DAB2IP: variants seen among roughly 807,000 people sequenced by gnomAD.
DAB2IP encodes disabled homolog 2-interacting protein.
A neutral mutation model predicts 107.2 loss-of-function variants in DAB2IP; 28 were observed. The ratio of observed to expected loss-of-function variants is 0.26; its 90% confidence interval spans 0.19 to 0.36. DAB2IP has a LOEUF of 0.36. DAB2IP is among the 10% of genes least tolerant of loss of function. The pLI, the probability that DAB2IP is intolerant of heterozygous loss-of-function variation, is 1.00. For synonymous variants in DAB2IP, 755 were observed against 706.4 expected, an observed-to-expected ratio of 1.07 and a Z score of -1.09; for missense variants, 1,400 against 1,644.7, an observed-to-expected ratio of 0.85 and a Z score of 2.57.
chr9:121,627,911 T>C (rs909111127), intron 1 of DAB2IP, among the ~76,000 whole-genome samples: 1 of 152,256 alleles, frequency 6.6e-6, no homozygotes, highest in African/African-American at 2.4e-5. Flanking sequence ...TGCGTAGAAC[T>C]TTCTGCAGTG....
intron 3 of DAB2IP, among the ~76,000 whole-genome samples, chr9:121,706,559 A>G (rs12004621): frequency 0.025 from 3,729 of 152,158 alleles, 160 homozygotes; most frequent in African/African-American, 0.085. Flanking sequence ...CTGTGTGACT[A>G]TGGGCAAGCC....
At chr9:121,658,479 G>A (rs549096249) in intron 1 of DAB2IP, among the ~76,000 whole-genome samples, 15 of 152,348 alleles carry the variant, frequency 9.8e-5, no homozygotes, top group Non-Finnish European at 2.1e-4. Context: ...GCCCGCTCTA[G>A]GAGTGGCGGG....
At position 121,641,892 on chromosome 9, in the gene DAB2IP, CCTTTCTTTCTTTCTTTCTTT is replaced by C. The variant is rs71370681; in HGVS notation, c.41-36759_41-36740del. 1.3e-4 allele frequency among the ~76,000 whole-genome samples: 12 copies of C among 89,344 alleles called. No homozygotes were observed. The South Asian group carries it at 2.8e-3, about 21-fold the overall frequency. The allele number at this position is 89,344 out of a possible 152,430, so 58.6% of individuals were successfully genotyped here. On this transcript the variant is annotated intron_variant, in intron 1 of 16. Coordinates refer to the DAB2IP transcript ENST00000259371. ...TTCTTTCTTTCTGTCCATTTCTTTC[CCTTTCTTTCTTTCTTTCTTT>C]CTTTCTTTCTTTCTTTCTTTCTTTC...
chr9:121,582,944 G>T (rs1053020654), intron 1 of DAB2IP, among the ~76,000 whole-genome samples: 2 of 152,258 alleles, frequency 1.3e-5, no homozygotes, highest in African/African-American at 4.8e-5. Context: ...CTGCCCTGCG[G>T]GCAGCCCTCA....
intron 2 of DAB2IP, among the ~76,000 whole-genome samples, chr9:121,683,410 A>G (rs1828696786): frequency 1.3e-5 from 2 of 151,374 alleles, no homozygotes; most frequent in South Asian, 4.2e-4. Flanking sequence ...CCTCCCATCA[A>G]CCTTGAGGAT....
intron 3 of DAB2IP, among the ~76,000 whole-genome samples, chr9:121,749,730 A>C (rs1832972162): frequency 6.6e-6 from 1 of 152,198 alleles, no homozygotes; most frequent in Admixed American, 6.5e-5. Context: ...CTTTTTAAAG[A>C]AATTTGAGGC....
At chr9:121,678,868 C>G (rs1439094767) in intron 2 of DAB2IP, 87 bp downstream of exon 2, 2 of 1,248,518 alleles carry the variant, frequency 1.6e-6, no homozygotes, top group East Asian at 3.0e-5. Context: ...CACGGCCCCC[C>G]TTCCTGGAGC....
chr9:121,569,745 C>A (rs1321882047), intron 1 of DAB2IP, among the ~76,000 whole-genome samples: 1 of 152,208 alleles, frequency 6.6e-6, no homozygotes, highest in Admixed American at 6.5e-5. Context: ...CACTTGAACT[C>A]GGGAGGCAAA....
At position 121,626,488 on chromosome 9, in the gene DAB2IP, ATCTTGGC is replaced by A. The variant is rs542130996; in HGVS notation, c.41-52187_41-52181del. On this transcript the variant is annotated intron_variant, in intron 1 of 16. Transcript: ENST00000259371. Reference sequence around the variant, plus strand: ...GACCAGGCTGGAGTTCAGTGGTGCGATCTTGGCTCACTGCAACCTCCACCTCCCGGGT... The same window carrying A: ...GACCAGGCTGGAGTTCAGTGGTGCGATCACTGCAACCTCCACCTCCCGGGT... 1.9e-4 allele frequency among the ~76,000 whole-genome samples: 27 copies of A among 141,464 alleles called. No individual in the cohort carries two copies. The East Asian group carries it at 5.1e-3, about 27-fold the overall frequency. The allele number at this position is 141,464 out of a possible 152,430, so 92.8% of individuals were successfully genotyped here.
intron 9 of DAB2IP, among the ~76,000 whole-genome samples, chr9:121,767,013 T>C (rs978588299): frequency 2.6e-5 from 4 of 152,272 alleles, no homozygotes; most frequent in African/African-American, 2.4e-5. Flanking sequence ...TGTATTATTA[T>C]AAGGATTCTC....
In DAB2IP at chr9:121,782,293, T is replaced by C; in HGVS notation, c.3403-38T>C. ...TAGGTATACACAGCCCTAAGGAGCC[T>C]GTCCCATGACCCCCGCTCACATCCC... On this transcript the variant is annotated intron_variant, in intron 15 of 15. Transcript: ENST00000408936. The surrounding 1 kb of genome is among the most constrained non-coding windows in gnomAD (Gnocchi z 6.1). 1 of 1,601,076 alleles carries C rather than the reference T, an allele frequency of 6.2e-7. No homozygotes were observed. The highest frequency in any genetic ancestry group is 8.5e-7 in the Non-Finnish European group (1 of 1,170,752).
At chr9:121,631,645 G>A (rs1019964225) in intron 1 of DAB2IP, among the ~76,000 whole-genome samples, 1 of 151,856 alleles carries the variant, frequency 6.6e-6, no homozygotes, top group East Asian at 1.9e-4. Context: ...GTGAAACCCC[G>A]TCTCTACTAA....
At chr9:121,676,635 G>GCACACACACACACA (rs35324441) in intron 1 of DAB2IP, among the ~76,000 whole-genome samples, 6,203 of 150,508 alleles carry the variant, frequency 0.041, 423 homozygotes, top group African/African-American at 0.14. Flanking sequence ...TTCTGCAGAC[G>GCACACACACACACA]CACACACACA....
At chr9:121,764,009 T>C (rs1414751451) in intron 8 of DAB2IP, 130 bp downstream of exon 8, 56 of 1,322,254 alleles carry the variant, frequency 4.2e-5, no homozygotes, top group Non-Finnish European at 5.6e-5. Context: ...CCTGGCCTAG[T>C]CCCTTTTGAG....
At chr9:121,584,954 C>A (rs943635073) in intron 1 of DAB2IP, among the ~76,000 whole-genome samples, 2 of 152,110 alleles carry the variant, frequency 1.3e-5, no homozygotes, top group Non-Finnish European at 2.9e-5. Flanking sequence ...AGTGCAGTAG[C>A]TATTCACAGG....
chr9:121,585,682 T>A (rs555022221), intron 1 of DAB2IP, among the ~76,000 whole-genome samples: 1 of 152,062 alleles, frequency 6.6e-6, no homozygotes, highest in Non-Finnish European at 1.5e-5. Flanking sequence ...GCAAGATCCC[T>A]GTCTCTACAA....
exon 16 of DAB2IP, chr9:121,783,391 G>A (rs1346222312): frequency 1.9e-6 from 3 of 1,562,606 alleles, no homozygotes; most frequent in African/African-American, 1.4e-5. Flanking sequence ...GCACACCCAG[G>A]GCACAGTGGT....
chr9:121,616,216 G>A (rs927900240), intron 1 of DAB2IP, among the ~76,000 whole-genome samples: 2 of 152,216 alleles, frequency 1.3e-5, no homozygotes, highest in Non-Finnish European at 2.9e-5. Context: ...GGGCGGGAAG[G>A]CTGCAGGGAA....
chr9:121,581,925 C>T (rs1830201465), intron 1 of DAB2IP, among the ~76,000 whole-genome samples: 1 of 152,208 alleles, frequency 6.6e-6, no homozygotes, highest in Non-Finnish European at 1.5e-5. Flanking sequence ...ACCCCGGGCT[C>T]ATTAAGTGCT....
Sources: allele counts gnomAD v4.1 joint callset (sites outside exome capture counted in the v4.1 genomes callset), GRCh38; gene constraint gnomAD v4.1.1; non-coding constraint Gnocchi (gnomAD v3.1); transcripts MANE v1.5; gene names NCBI Gene and HGNC (gene_info 2026-07-23, HGNC 2026-07-21).